AKAP13: variants seen among roughly 807,000 people sequenced by gnomAD.
AKAP13 encodes A-kinase anchoring protein 13, also known as A-kinase anchor protein 13.
Under a neutral mutation model 264.5 loss-of-function variants are expected in AKAP13, and 80 were observed. The ratio of observed to expected loss-of-function variants is 0.30; its 90% CI spans 0.25 to 0.36. The LOEUF (loss-of-function observed/expected upper bound fraction) is 0.36. Among genes scored for constraint, AKAP13 ranks in the 10% least tolerant of loss-of-function variants. The probability of loss-of-function intolerance (pLI) is 1.00; values close to 1 mark genes in which losing one functional copy is unlikely to be tolerated. For missense variants in AKAP13, 3,712 were observed against 3,435.2 expected (o/e 1.08, Z -2.01); for synonymous variants, 1,380 against 1,250.2 (o/e 1.10, Z -2.19).
Position 85,743,935 on chromosome 15 carries a change from C to T in AKAP13, c.8392+110C>T, listed in dbSNP as rs1331467562. On this transcript the variant is annotated intron_variant, in intron 36 of 36. Coordinates refer to ENST00000394518, the MANE Select transcript of AKAP13 (RefSeq NM_007200.5). ...TTGAAAAGGGGACAGTTCAGATGCT[C>T]AAAAGCCAAACTGCCATCCTTTTCA... 5 of 1,277,650 alleles carry T rather than the reference C, an allele frequency of 3.9e-6. No homozygotes were observed. In the East Asian group the frequency reaches 1.0e-4, roughly 26 times the overall value. 79.1% of individuals were successfully genotyped at this position (1,277,650 alleles called of 1,614,324 possible). A position where few individuals can be genotyped will look rare whatever the true frequency, so the allele number is the denominator to read the frequency against.
chr15:85,598,097 A>G (rs1201563518), intron 8 of AKAP13, among the ~76,000 whole-genome samples: 1 of 152,108 alleles, frequency 6.6e-6, no homozygotes, highest in African/African-American at 2.4e-5. Flanking sequence ...TTTCTTTGTC[A>G]TTCTTCCTCC....
intron 1 of AKAP13, among the ~76,000 whole-genome samples, chr15:85,385,237 A>T (rs895463890): frequency 6.6e-6 from 1 of 152,220 alleles, no homozygotes; most frequent in African/African-American, 2.4e-5. Flanking sequence ...TAATTCTATA[A>T]TATTATTCAA....
intron 8 of AKAP13, among the ~76,000 whole-genome samples, chr15:85,627,003 A>T (rs1238632491): frequency 2.0e-5 from 3 of 152,118 alleles, no homozygotes; most frequent in Non-Finnish European, 4.4e-5. Flanking sequence ...CCTAATGCAC[A>T]CTTACTTTTG....
At chr15:85,707,946 G>A (rs1374264487) in intron 17 of AKAP13, 73 bp from the exon 18 acceptor site, 7 of 1,488,412 alleles carry the variant, frequency 4.7e-6, no homozygotes, top group African/African-American at 4.1e-5. Flanking sequence ...GGCCACTTGT[G>A]GCAGCAGTGG....
In AKAP13 at chr15:85,664,492, G is replaced by T. The variant is rs1402254714; in HGVS notation, c.4800-71G>T. On this transcript the variant is annotated intron_variant, in intron 12 of 36. Transcript: ENST00000394518. ...CACAAACAAGGGAGATATACCCAAA[G>T]GGATTTTGTGTCCTCCTTTGTTTTT... is the stretch of plus-strand genomic sequence containing the variant. 2.7e-6 allele frequency: 4 copies of T among 1,461,340 alleles called. No homozygotes were observed. The Admixed American group carries it at 8.3e-5, about 30-fold the overall frequency. The allele number at this position is 1,461,340 out of a possible 1,614,324, so 90.5% of individuals were successfully genotyped here. A position where few individuals can be genotyped will look rare whatever the true frequency, so the allele number is the denominator to read the frequency against.
intron 9 of AKAP13, 89 bp downstream of exon 9, chr15:85,639,538 T>TTA: frequency 2.1e-6 from 2 of 963,102 alleles, no homozygotes; most frequent in Non-Finnish European, 3.3e-6. Context: ...CCTTAGCATG[T>TTA]TATACAGTAA....
chr15:85,688,168 T>C (rs1332841516), intron 16 of AKAP13, among the ~76,000 whole-genome samples: 1 of 152,120 alleles, frequency 6.6e-6, no homozygotes, highest in Non-Finnish European at 1.5e-5. Context: ...ATTTTCTAAA[T>C]GGTAACATAA....
chr15:85,604,773 T>G (rs918875993), intron 8 of AKAP13, among the ~76,000 whole-genome samples: 4 of 97,764 alleles, frequency 4.1e-5, no homozygotes, highest in Admixed American at 1.0e-4. Context: ...CTTCAAAGCT[T>G]CTTTAGGTTC....
rs748317957 is a variant in AKAP13, at chr15:85,580,515, C to T, written c.2447C>T (p.Pro816Leu). ...CAGAAAGAAAAGGGAACAGCAACTC[C>T]TGAACTACATACAGCTACAGATTAT... ...PSQKEKGTAT[P>L]ELHTATDYRD... The change falls in exon 7 of 37, where the codon CCT becomes CTT. Residue 816 changes from proline (P) to leucine (L), a missense_variant. Coordinates refer to ENST00000394518, the MANE Select transcript of AKAP13 (RefSeq NM_007200.5). The T allele has an allele frequency of 3.1e-6, 5 of 1,614,196 alleles. No homozygotes were observed. Among genetic ancestry groups the T allele is most frequent in the Middle Eastern group, 1.6e-4 (1 of 6,062 alleles).
chr15:85,736,302 C>T (rs1260988639), intron 33 of AKAP13, among the ~76,000 whole-genome samples, 168 bp downstream of exon 33: 1 of 151,950 alleles, frequency 6.6e-6, no homozygotes, highest in East Asian at 1.9e-4. Context: ...TTGGCCTTTC[C>T]CCTGTCTTTG....
At chr15:85,653,266 T>C (rs2082945815) in intron 10 of AKAP13, among the ~76,000 whole-genome samples, 1 of 152,222 alleles carries the variant, frequency 6.6e-6, no homozygotes, top group African/African-American at 2.4e-5. Flanking sequence ...ATCTTGTTCT[T>C]ACAGGGTTTT....
rs117618293 is a variant in AKAP13, at chr15:85,484,836, G to T, written c.-11-874G>T. On this transcript the variant is annotated intron_variant, in intron 1 of 36. Transcript: ENST00000394518. ...TGTTATTTTGTCTGTGTTTTTGCAT[G>T]TATGAATGACACTTTATACTGTTAT... is the stretch of plus-strand genomic sequence containing the variant. Among the ~76,000 whole-genome samples, 973 of 152,304 alleles carry T rather than the reference G, an allele frequency of 6.4e-3. 8 individuals are homozygous for T. The highest frequency in any genetic ancestry group is 0.011 in the Non-Finnish European group (782 of 68,020).
chr15:85,472,714 A>T (rs536774011), intron 1 of AKAP13, among the ~76,000 whole-genome samples: 91 of 152,336 alleles, frequency 6.0e-4, no homozygotes, highest in Admixed American at 5.1e-3. Flanking sequence ...ATAGGGGAGG[A>T]ATAAAATTAA....
At chr15:85,433,150 GT>G (rs2073106055) in intron 1 of AKAP13, among the ~76,000 whole-genome samples, 2 of 35,380 alleles carry the variant, frequency 5.7e-5, no homozygotes, top group African/African-American at 2.3e-4. Context: ...TTGGAGTACT[GT>G]TTTTAAGGGA....
At chr15:85,672,238 G>C (rs1051328515) in intron 14 of AKAP13, among the ~76,000 whole-genome samples, 1 of 152,216 alleles carries the variant, frequency 6.6e-6, no homozygotes, top group African/African-American at 2.4e-5. Flanking sequence ...AGGCTGGAAT[G>C]ATAGCTAGCC....
rs566752873 is a variant in AKAP13 at position 85,530,848 on chromosome 15, A to G, written c.182-2736A>G. 7.9e-5 allele frequency among the ~76,000 whole-genome samples: 12 copies of G among 152,278 alleles called. 1 individual carries two copies. The South Asian group carries it at 2.5e-3, about 32-fold the overall frequency. On this transcript the variant is annotated intron_variant, in intron 3 of 36. Coordinates refer to ENST00000394518, the MANE Select transcript of AKAP13 (RefSeq NM_007200.5). Reference sequence around the variant, plus strand: ...GGCTATATATGGTGTTTTGGGTGATAATAATAAAGAATTTAGGAGGCCCCT... The same window carrying G: ...GGCTATATATGGTGTTTTGGGTGATGATAATAAAGAATTTAGGAGGCCCCT...
intron 14 of AKAP13, among the ~76,000 whole-genome samples, chr15:85,679,614 G>A (rs996167964): frequency 6.6e-6 from 1 of 152,140 alleles, no homozygotes; most frequent in Non-Finnish European, 1.5e-5. Context: ...GTGCAGCACT[G>A]TATACAACAT....
chr15:85,692,508 G>A (rs1015084827), intron 16 of AKAP13, among the ~76,000 whole-genome samples: 1 of 150,798 alleles, frequency 6.6e-6, no homozygotes, highest in African/African-American at 2.4e-5. Context: ...TGGTGGTGGT[G>A]GTGGTGGTGG....
chr15:85,578,502 T>C (rs11632800), intron 6 of AKAP13, among the ~76,000 whole-genome samples: 92,928 of 151,356 alleles, frequency 0.61, 28,675 homozygotes, highest in Middle Eastern at 0.72. Flanking sequence ...CATGCACCAC[T>C]ACGCCCAGCT....
Sources: allele counts gnomAD v4.1 joint callset (sites outside exome capture counted in the v4.1 genomes callset), GRCh38; gene constraint gnomAD v4.1.1; transcripts MANE v1.5; gene names NCBI Gene and HGNC (gene_info 2026-07-23, HGNC 2026-07-21).